Variants in FRMPD3 observed in about 807,000 individuals in gnomAD.
FRMPD3 encodes the protein FERM and PDZ domain containing 3, also known as FERM and PDZ domain-containing protein 3.
A neutral mutation model predicts 97.9 loss-of-function variants in FRMPD3; 42 were observed. That is an observed-to-expected ratio of 0.43 (90% CI 0.34 to 0.55). The LOEUF is 0.55. Ranked by LOEUF, FRMPD3 falls within the 20% of genes least tolerant of loss-of-function variation. FRMPD3 has a pLI of 0.03. For synonymous variants in FRMPD3, 577 were observed against 581.1 expected (o/e 0.99, Z 0.10); for missense variants, 1,303 against 1,457.7 (o/e 0.89, Z 1.73).
At chrX:107,512,794 C>T (rs1183378434) in intron 1 of FRMPD3, among the ~76,000 whole-genome samples, 1 of 112,398 alleles carries the variant, frequency 8.9e-6, no homozygotes, top group Non-Finnish European at 1.9e-5. Flanking sequence ...CTGCCTCTGC[C>T]AGTGACAGGT....
At chrX:107,469,449 C>T (rs760079825) in intron 1 of FRMPD3, among the ~76,000 whole-genome samples, 2 of 112,149 alleles carry the variant, frequency 1.8e-5, no homozygotes, top group East Asian at 5.6e-4. Context: ...CCACTGGGTC[C>T]CTCCCACAAC....
At chrX:107,571,925 C>T (rs1222507191) in intron 12 of FRMPD3, among the ~76,000 whole-genome samples, 1 of 112,687 alleles carries the variant, frequency 8.9e-6, no homozygotes, top group Non-Finnish European at 1.9e-5. Flanking sequence ...TAGTCACACA[C>T]GCACACATTC....
chrX:107,600,513 C>T lies in FRMPD3; in HGVS notation c.2474C>T (p.Ala825Val), dbSNP rs1924441705. 1 of 1,209,006 alleles carries T rather than the reference C, an allele frequency of 8.3e-7. No homozygotes were observed. The highest frequency in any genetic ancestry group is 1.7e-5 in the African/African-American group (1 of 57,146). Residue 825 changes from alanine (A) to valine (V), a missense_variant, in exon 15 of 15, where the codon GCC (alanine) becomes GTC (valine). By Grantham distance (64) the Ala-to-Val change is moderately conservative. Coordinates refer to ENST00000683843, the MANE Select transcript of FRMPD3 (RefSeq NM_001388459.1). ...PFRIQSCAAQ[A>V]VLTAPYSLGR... ...CGGATCCAGAGCTGTGCAGCCCAGG[C>T]CGTTCTTACGGCCCCTTACTCTCTT...
intron 1 of FRMPD3, among the ~76,000 whole-genome samples, chrX:107,509,541 T>A (rs1922116844): frequency 8.9e-6 from 1 of 112,225 alleles, no homozygotes; most frequent in South Asian, 3.7e-4. Flanking sequence ...CAGTTTTGCC[T>A]GAATTTTTTC....
At chrX:107,563,574 G>A (rs1446622926) in intron 11 of FRMPD3, among the ~76,000 whole-genome samples, 1 of 112,575 alleles carries the variant, frequency 8.9e-6, no homozygotes, top group Non-Finnish European at 1.9e-5. Flanking sequence ...AATGGGTGTG[G>A]CTGTTTACCA....
intron 1 of FRMPD3, among the ~76,000 whole-genome samples, chrX:107,489,681 G>T (rs1360437677): frequency 2.7e-5 from 3 of 111,885 alleles, no homozygotes; most frequent in Admixed American, 1.9e-4. Flanking sequence ...TTTTGATGGG[G>T]TTATTTGTTT....
At chrX:107,596,945 G>C (rs1924202848) in intron 13 of FRMPD3, among the ~76,000 whole-genome samples, 1 of 111,800 alleles carries the variant, frequency 8.9e-6, no homozygotes, top group Non-Finnish European at 1.9e-5. Flanking sequence ...GGTAGGAACA[G>C]TTCCAAGTGG....
At chrX:107,503,829 G>A (rs749318468) in intron 1 of FRMPD3, among the ~76,000 whole-genome samples, 25 of 111,939 alleles carry the variant, frequency 2.2e-4, no homozygotes, top group Non-Finnish European at 4.5e-4. Context: ...TGGGAACTTA[G>A]GGCAAAAGTG....
chrX:107,603,828 G>C lies in FRMPD3; in HGVS notation c.*455G>C, dbSNP rs1159561989. 1 of 123,482 alleles carries C rather than the reference G, an allele frequency of 8.1e-6. No homozygotes were observed. The highest frequency in any genetic ancestry group is 1.7e-5 in the Non-Finnish European group (1 of 60,114). 10.2% of individuals were successfully genotyped at this position (123,482 alleles called of 1,213,427 possible). On this transcript the variant is annotated 3_prime_UTR_variant, in exon 15 of 15. Transcript: ENST00000683843. ...CAGCAGGCCACATTGCCGTGCCGAGGGGAGAGGGCGCTCAGTCCAGATGTC... is the reference window on the plus strand; with the variant it reads ...CAGCAGGCCACATTGCCGTGCCGAGCGGAGAGGGCGCTCAGTCCAGATGTC...
At chrX:107,556,459 A>G (rs1922086905) in intron 8 of FRMPD3, among the ~76,000 whole-genome samples, 1 of 111,564 alleles carries the variant, frequency 9.0e-6, no homozygotes, top group Admixed American at 9.5e-5. Context: ...TTTACATGTA[A>G]CAGCTTTATT....
At chrX:107,484,129 G>A (rs1452629337) in intron 1 of FRMPD3, among the ~76,000 whole-genome samples, 2 of 112,001 alleles carry the variant, frequency 1.8e-5, no homozygotes, top group African/African-American at 3.3e-5. Context: ...TTCTGGCTAC[G>A]CTCGAAGCCC....
intron 1 of FRMPD3, among the ~76,000 whole-genome samples, chrX:107,458,041 T>C (rs1931408213): frequency 8.9e-6 from 1 of 112,015 alleles, no homozygotes; most frequent in African/African-American, 3.3e-5. Context: ...ATCTGACAGC[T>C]GATTGGCTGC....
intron 7 of FRMPD3, among the ~76,000 whole-genome samples, chrX:107,553,926 T>TTTA (rs1365061661): frequency 8.9e-6 from 1 of 112,397 alleles, no homozygotes; most frequent in African/African-American, 3.2e-5. Context: ...GGTTCAACAA[T>TTTA]TATCAATACA....
chrX:107,460,528 C>T (rs1931452645), intron 1 of FRMPD3, among the ~76,000 whole-genome samples: 1 of 110,187 alleles, frequency 9.1e-6, no homozygotes, highest in Admixed American at 9.7e-5. Context: ...GTAGCTGGGA[C>T]TACAGGTCCA....
intron 1 of FRMPD3, among the ~76,000 whole-genome samples, chrX:107,518,744 C>G (rs773731010): frequency 2.7e-5 from 3 of 111,844 alleles, no homozygotes; most frequent in Admixed American, 9.4e-5. Flanking sequence ...AGGTATGTAC[C>G]TGAAAGAATA....
chrX:107,471,591 G>A (rs1921065063), intron 1 of FRMPD3, among the ~76,000 whole-genome samples: 1 of 111,321 alleles, frequency 9.0e-6, no homozygotes, highest in African/African-American at 3.3e-5. Context: ...GAGAATGATG[G>A]CTTCTAGCTT....
chrX:107,564,672 A>G (rs772368260), intron 11 of FRMPD3, among the ~76,000 whole-genome samples: 19 of 112,062 alleles, frequency 1.7e-4, no homozygotes, highest in Non-Finnish European at 3.6e-4. Context: ...TAAGGTGTTC[A>G]TTTGGACCCA....
rs988947351 is a variant in FRMPD3, at chrX:107,450,149, G to A, written c.-8+144G>A. 3.2e-4 allele frequency among the ~76,000 whole-genome samples: 35 copies of A among 110,476 alleles called. No homozygotes were observed. In the East Asian group the frequency reaches 8.5e-3, roughly 27 times the overall value. On this transcript the variant is annotated intron_variant, in intron 1 of 14. Coordinates refer to ENST00000683843, the MANE Select transcript of FRMPD3 (RefSeq NM_001388459.1). ...CCGGGAGCCGGGGGCAGGGCGGGGG[G>A]CGCCGAACGTCTGGCCGCCCGGAGT...
Position 107,493,396 on chromosome X carries a change from C to G in FRMPD3, c.-7-33186C>G, listed in dbSNP as rs182978897. 4.5e-5 allele frequency among the ~76,000 whole-genome samples: 5 copies of G among 111,034 alleles called. No homozygotes were observed. In the East Asian group the frequency reaches 1.1e-3, roughly 25 times the overall value. ...ATGTCTGTGCTTCCTGGTCTGTTCTCTGGTCTGGATTAACCTGTTTGTTTC... is the reference window on the plus strand; with the variant it reads ...ATGTCTGTGCTTCCTGGTCTGTTCTGTGGTCTGGATTAACCTGTTTGTTTC... On this transcript the variant is annotated intron_variant, in intron 1 of 14. Transcript: ENST00000683843.
Sources: gnomAD v4.1 joint callset for allele counts (sites outside exome capture counted in the v4.1 genomes callset) on GRCh38, gnomAD v4.1.1 for gene constraint, MANE v1.5 for transcripts, NCBI Gene and HGNC (gene_info 2026-07-23, HGNC 2026-07-21) for gene names.